ALOX5AP: variants seen among roughly 807,000 people sequenced by gnomAD.
The protein encoded by ALOX5AP is arachidonate 5-lipoxygenase activating protein.
ALOX5AP carries 9 observed loss-of-function variants against 18.5 expected under a neutral mutation model. The observed-to-expected ratio is 0.49, with a 90% confidence interval of 0.29 to 0.85. ALOX5AP has a LOEUF of 0.85. Among genes scored for constraint, ALOX5AP ranks in the 40% least tolerant of loss-of-function variants. The pLI, the probability that ALOX5AP is intolerant of heterozygous loss-of-function variation, is 0.08. For missense variants in ALOX5AP, 172 were observed against 202.5 expected, an observed-to-expected ratio of 0.85 and a Z score of 0.91; for synonymous variants, 81 against 78.6, an observed-to-expected ratio of 1.03 and a Z score of -0.16.
chr13:30,714,878 T>C (rs1951537636), intron 1 of ALOX5AP, among the ~76,000 whole-genome samples: 1 of 152,196 alleles, frequency 6.6e-6, no homozygotes, highest in Admixed American at 6.5e-5. Flanking sequence ...TGCGGGCAAC[T>C]CCGTTCCTGG....
chr13:30,753,216 G>A (rs1951866404), intron 3 of ALOX5AP, among the ~76,000 whole-genome samples: 1 of 152,166 alleles, frequency 6.6e-6, no homozygotes, highest in South Asian at 2.1e-4. Context: ...GAGGTGAGGC[G>A]GCAGCAGAAA....
Position 30,764,025 on chromosome 13 carries a change from C to T in ALOX5AP, c.405C>T (p.Leu135=). The change falls in exon 5 of 5, where the codon CTC becomes CTT. Residue 135 remains leucine (L), a synonymous_variant. Coordinates refer to ENST00000380490, the MANE Select transcript of ALOX5AP (RefSeq NM_001629.4). ...TTGCTGGCATATTCAACTATTACCT[C>T]ATCTTCTTTTTCGGAAGTGACTTTG... The part of the protein sequence containing the change: ...MSVAGIFNYY[L]IFFFGSDFEN... 6.2e-7 allele frequency: 1 copy of T among 1,614,154 alleles called. No individual in the cohort carries two copies. Among genetic ancestry groups the T allele is most frequent in the Non-Finnish European group, 8.5e-7 (1 of 1,180,004 alleles).
chr13:30,722,746 G>A (rs984076189), intron 1 of ALOX5AP, among the ~76,000 whole-genome samples: 2 of 152,216 alleles, frequency 1.3e-5, no homozygotes, highest in African/African-American at 2.4e-5. Context: ...GTGATAAATG[G>A]CTTGGTGCCG....
intron 2 of ALOX5AP, among the ~76,000 whole-genome samples, chr13:30,748,166 G>A (rs745798846): frequency 1.3e-5 from 2 of 152,018 alleles, no homozygotes; most frequent in African/African-American, 4.8e-5. Context: ...TGATCTGCCC[G>A]CCTCGGCCTC....
intron 1 of ALOX5AP, among the ~76,000 whole-genome samples, chr13:30,722,002 A>G (rs570055499): frequency 6.6e-6 from 1 of 152,226 alleles, no homozygotes; most frequent in Non-Finnish European, 1.5e-5. Context: ...AATGTTTCCC[A>G]TTCATTCCAA....
At chr13:30,758,246 C>G (rs994204466) in intron 4 of ALOX5AP, among the ~76,000 whole-genome samples, 5 of 152,148 alleles carry the variant, frequency 3.3e-5, no homozygotes, top group Non-Finnish European at 4.4e-5. Flanking sequence ...GATTTTCAAC[C>G]CTGCCGTCTA....
intron 4 of ALOX5AP, among the ~76,000 whole-genome samples, chr13:30,756,515 T>G (rs892630360): frequency 1.3e-5 from 2 of 152,156 alleles, no homozygotes; most frequent in Admixed American, 6.5e-5. Flanking sequence ...TGCAGTAAGA[T>G]GCAGACATGA....
At chr13:30,725,253 G>C (rs892646056) in intron 1 of ALOX5AP, among the ~76,000 whole-genome samples, 8 of 152,226 alleles carry the variant, frequency 5.3e-5, no homozygotes, top group African/African-American at 1.9e-4. Context: ...GAGTCCTGGG[G>C]AAGAGGCATA....
At chr13:30,760,465 T>C (rs1951932643) in intron 4 of ALOX5AP, among the ~76,000 whole-genome samples, 1 of 152,252 alleles carries the variant, frequency 6.6e-6, no homozygotes, top group South Asian at 2.1e-4. Flanking sequence ...ATCCTAGAAG[T>C]GGTTAGCACC....
chr13:30,726,470 T>TATCTATGTCC (rs1322770504), intron 1 of ALOX5AP, among the ~76,000 whole-genome samples: 31 of 152,350 alleles, frequency 2.0e-4, no homozygotes, highest in African/African-American at 7.0e-4. Flanking sequence ...GAGAATATTT[T>TATCTATGTCC]ATCTATGTCC....
At chr13:30,751,581 T>C (rs1951851993) in intron 2 of ALOX5AP, among the ~76,000 whole-genome samples, 1 of 152,206 alleles carries the variant, frequency 6.6e-6, no homozygotes, top group Non-Finnish European at 1.5e-5. Context: ...TTGTTGTCTT[T>C]AACATTTGAA....
intron 1 of ALOX5AP, among the ~76,000 whole-genome samples, chr13:30,743,847 G>A (rs1951786834): frequency 6.6e-6 from 1 of 152,076 alleles, no homozygotes; most frequent in Non-Finnish European, 1.5e-5. Flanking sequence ...TGGGGGCCGT[G>A]CCTTGCTCAT....
At chr13:30,727,839 T>A (rs1951650926) in intron 1 of ALOX5AP, among the ~76,000 whole-genome samples, 1 of 152,200 alleles carries the variant, frequency 6.6e-6, no homozygotes, top group Non-Finnish European at 1.5e-5. Flanking sequence ...CAGCTCAGTC[T>A]TGCGGGTTTT....
At chr13:30,756,527 A>T (rs1012671737) in intron 4 of ALOX5AP, among the ~76,000 whole-genome samples, 1 of 152,208 alleles carries the variant, frequency 6.6e-6, no homozygotes, top group African/African-American at 2.4e-5. Context: ...CAGACATGAC[A>T]GCAGGGTGCA....
chr13:30,759,216 T>C (rs1189451157), intron 4 of ALOX5AP, among the ~76,000 whole-genome samples: 1 of 152,152 alleles, frequency 6.6e-6, no homozygotes, highest in Non-Finnish European at 1.5e-5. Context: ...CTTGGTCTTT[T>C]ATTACCTACC....
intron 1 of ALOX5AP, among the ~76,000 whole-genome samples, chr13:30,728,123 A>G (rs538599152): frequency 6.6e-6 from 1 of 152,200 alleles, no homozygotes; most frequent in Non-Finnish European, 1.5e-5. Flanking sequence ...TCCTTCTATG[A>G]CAGCCACAGG....
At chr13:30,723,918 C>T (rs566090690) in intron 1 of ALOX5AP, among the ~76,000 whole-genome samples, 5 of 152,176 alleles carry the variant, frequency 3.3e-5, no homozygotes, top group African/African-American at 1.2e-4. Context: ...TTTTGAAATG[C>T]TCTTTTAAAA....
chr13:30,763,405 G>A (rs1294679436), intron 4 of ALOX5AP, among the ~76,000 whole-genome samples: 11 of 152,218 alleles, frequency 7.2e-5, no homozygotes, highest in African/African-American at 2.7e-4. Flanking sequence ...GGGTGCCCAG[G>A]TCTCATGAAT....
intron 4 of ALOX5AP, among the ~76,000 whole-genome samples, chr13:30,760,991 G>T (rs1001569009): frequency 3.3e-5 from 5 of 152,290 alleles, no homozygotes; most frequent in African/African-American, 1.2e-4. Context: ...GGCCCCCAAG[G>T]TCTTCCTTCC....
Sources: gnomAD v4.1 joint callset for allele counts (sites outside exome capture counted in the v4.1 genomes callset) on GRCh38, gnomAD v4.1.1 for gene constraint, MANE v1.5 for transcripts, NCBI Gene and HGNC (gene_info 2026-07-23, HGNC 2026-07-21) for gene names.